The following KPNA7 variants were observed in gnomAD, a reference collection of about 807,000 sequenced individuals.
The protein encoded by KPNA7 is karyopherin subunit alpha 7.
A neutral mutation model predicts 53.7 loss-of-function variants in KPNA7; 54 were observed. That is an observed-to-expected ratio of 1.01 (90% CI 0.81 to 1.26). KPNA7 has a LOEUF of 1.26. Among genes scored for constraint, KPNA7 ranks in the 50% most tolerant of loss-of-function variants. KPNA7 has a pLI of 0.00. For synonymous variants in KPNA7, 276 were observed against 259.3 expected (o/e 1.06, Z -0.62); for missense variants, 640 against 644.5 (o/e 0.99, Z 0.07).
At chr7:99,158,038 C>A in the KPNA7 span, among the ~76,000 whole-genome samples, 1 of 151,668 alleles carries the variant, frequency 6.6e-6, no homozygotes, top group Non-Finnish European at 1.5e-5. Flanking sequence ...CAGGTACATG[C>A]CACCACATTT....
chr7:99,153,486 G>GT, the KPNA7 span, among the ~76,000 whole-genome samples: 1 of 150,852 alleles, frequency 6.6e-6, no homozygotes, highest in African/African-American at 2.4e-5. Flanking sequence ...GGAGGCAGAG[G>GT]TTGCAGTGAG....
intron 3 of KPNA7, among the ~76,000 whole-genome samples, chr7:99,199,063 C>T (rs1000452998): frequency 2.4e-5 from 1 of 41,180 alleles, no homozygotes; most frequent in African/African-American, 1.4e-4. Context: ...ATGCTGCAAA[C>T]TGAAAAAAAA....
At chr7:99,164,389 C>T in the KPNA7 span, among the ~76,000 whole-genome samples, 1 of 151,292 alleles carries the variant, frequency 6.6e-6, no homozygotes, top group East Asian at 1.9e-4. Context: ...ATGGCAAGGA[C>T]AAAAAACCAA....
At chr7:99,149,009 C>T in the KPNA7 span, among the ~76,000 whole-genome samples, 21,549 of 151,220 alleles carry the variant, frequency 0.14, 1,700 homozygotes, top group East Asian at 0.25. Context: ...GATTCTCCTG[C>T]CTCAGCCTTC....
At chr7:99,204,480 TA>T (rs1018942505) in intron 2 of KPNA7, among the ~76,000 whole-genome samples, 1 of 152,192 alleles carries the variant, frequency 6.6e-6, no homozygotes, top group African/African-American at 2.4e-5. Flanking sequence ...CTAACCTTTC[TA>T]AATAGCTGAG....
At chr7:99,181,001 GTCTCTC>G (rs202043503) in intron 9 of KPNA7, among the ~76,000 whole-genome samples, 1 of 26,770 alleles carries the variant, frequency 3.7e-5, no homozygotes, top group African/African-American at 1.1e-4. Flanking sequence ...CTCCCCGTCT[GTCTCTC>G]TCTCTCTGTG....
chr7:99,207,547 C>A, intron 1 of KPNA7, 58 bp from the exon 2 acceptor site: 1 of 714,996 alleles, frequency 1.4e-6, no homozygotes, highest in South Asian at 1.4e-5. Flanking sequence ...GTTATTATGT[C>A]AGTATCATAA....
Position 99,193,607 on chromosome 7 carries a change from A to G in KPNA7, c.554-506T>C, listed in dbSNP as rs562416322. Among the ~76,000 whole-genome samples, 8 of 152,158 alleles carry G rather than the reference A, an allele frequency of 5.3e-5. No homozygotes were observed. In the South Asian group the frequency reaches 1.7e-3, roughly 32 times the overall value. On this transcript the variant is annotated intron_variant, in intron 5 of 10. Coordinates refer to ENST00000327442, the MANE Select transcript of KPNA7 (RefSeq NM_001145715.3). ...TGTACCATCCAGTCTTGCCTACTTT[A>G]CTGCACCAAGCAAAATGAGAGACAA...
intron 2 of KPNA7, among the ~76,000 whole-genome samples, chr7:99,205,492 G>A (rs17161622): frequency 0.12 from 18,039 of 150,654 alleles, 1,367 homozygotes; most frequent in African/African-American, 0.21. Context: ...TGCTTCCCTC[G>A]TTCTCCTAAT....
chr7:99,209,432 T>C (rs943908533), upstream of KPNA7, among the ~76,000 whole-genome samples: 2 of 151,982 alleles, frequency 1.3e-5, no homozygotes. Context: ...TTCCAATCTG[T>C]TCTTTGCACA....
intron 7 of KPNA7, 121 bp downstream of exon 7, chr7:99,188,179 A>AG: frequency 2.3e-6 from 2 of 862,402 alleles, no homozygotes; most frequent in South Asian, 4.0e-5. Context: ...TGTCTCAAAA[A>AG]AAAAAAAAAA....
the KPNA7 span, among the ~76,000 whole-genome samples, chr7:99,165,047 AG>A: frequency 6.6e-6 from 1 of 152,350 alleles, no homozygotes; most frequent in South Asian, 2.1e-4. Context: ...AGGCTGAGGC[AG>A]GAGGATCACT....
intron 1 of KPNA7, among the ~76,000 whole-genome samples, chr7:99,215,374 A>AAG (rs1791192436): frequency 7.5e-6 from 1 of 133,942 alleles, no homozygotes; most frequent in Non-Finnish European, 1.5e-5. Flanking sequence ...TGTCTCAAAA[A>AAG]AAAAAAAAAA....
chr7:99,191,425 G>A (rs927014211), intron 6 of KPNA7, among the ~76,000 whole-genome samples: 1 of 151,990 alleles, frequency 6.6e-6, no homozygotes, highest in Admixed American at 6.6e-5. Context: ...AAGTGCTACC[G>A]CATCCGGCCT....
the KPNA7 span, among the ~76,000 whole-genome samples, chr7:99,156,943 T>TC: frequency 6.7e-6 from 1 of 149,858 alleles, no homozygotes; most frequent in South Asian, 2.1e-4. Context: ...ATTGACTTTT[T>TC]TTCTTCTCCC....
chr7:99,146,833 A>G, the KPNA7 span, among the ~76,000 whole-genome samples: 2 of 151,830 alleles, frequency 1.3e-5, no homozygotes, highest in Non-Finnish European at 2.9e-5. Flanking sequence ...GAACACTTTC[A>G]TTACCATACG....
chr7:99,156,320 GA>G, the KPNA7 span, among the ~76,000 whole-genome samples: 8 of 152,060 alleles, frequency 5.3e-5, no homozygotes, highest in Non-Finnish European at 1.2e-4. Flanking sequence ...CTATCATTCA[GA>G]GTCCACAAAG....
In KPNA7 at chr7:99,173,669, T is replaced by A; in HGVS notation, c.*39A>T. 1.5e-6 allele frequency: 2 copies of A among 1,315,394 alleles called. No individual in the cohort carries two copies. Among genetic ancestry groups the A allele is most frequent in the Non-Finnish European group, 2.1e-6 (2 of 934,670 alleles). 81.5% of individuals were successfully genotyped at this position (1,315,394 alleles called of 1,614,324 possible). A position where few individuals can be genotyped will look rare whatever the true frequency, so the allele number is the denominator to read the frequency against. ...TGCTGCTTCTTAAAGAAGTTATCCT[T>A]TAGCACTGGGTTGTTGGTTTAGGAG... On this transcript the variant is annotated 3_prime_UTR_variant, in exon 11 of 11. Coordinates refer to ENST00000327442, the MANE Select transcript of KPNA7 (RefSeq NM_001145715.3).
the KPNA7 span, among the ~76,000 whole-genome samples, chr7:99,153,738 G>A: frequency 2.0e-5 from 3 of 151,950 alleles, no homozygotes; most frequent in Admixed American, 1.3e-4. Flanking sequence ...TGGGGCCAAG[G>A]TGAAAGGACT....
Sources: gnomAD v4.1 joint callset for allele counts (sites outside exome capture counted in the v4.1 genomes callset) on GRCh38, gnomAD v4.1.1 for gene constraint, MANE v1.5 for transcripts, NCBI Gene and HGNC (gene_info 2026-07-23, HGNC 2026-07-21) for gene names.